Variants in NUBPL observed in about 807,000 individuals in gnomAD.
NUBPL encodes NUBP iron-sulfur cluster assembly factor, mitochondrial, also known as iron-sulfur cluster transfer protein NUBPL.
Under a neutral mutation model 45.7 loss-of-function variants are expected in NUBPL, and 31 were observed. That is an observed-to-expected ratio of 0.68 (90% CI 0.51 to 0.92). The LOEUF (loss-of-function observed/expected upper bound fraction) is 0.92. Ranked by LOEUF, NUBPL falls within the 40% of genes least tolerant of loss-of-function variation. The pLI is 0.00. For synonymous variants in NUBPL, 144 were observed against 140.9 expected (o/e 1.02, Z -0.15); for missense variants, 401 against 398.7 (o/e 1.01, Z -0.05).
intron 4 of NUBPL, among the ~76,000 whole-genome samples, chr14:31,622,804 A>G (rs954378964): frequency 6.6e-6 from 1 of 152,228 alleles, no homozygotes; most frequent in Non-Finnish European, 1.5e-5. Flanking sequence ...GCAGGGGCAG[A>G]GCCCCCATGG....
intron 6 of NUBPL, among the ~76,000 whole-genome samples, chr14:31,739,891 C>T (rs978796137): frequency 1.3e-5 from 2 of 152,154 alleles, no homozygotes; most frequent in Non-Finnish European, 2.9e-5. Context: ...TCCAGAAAGT[C>T]GTAGTTGGAT....
intron 6 of NUBPL, among the ~76,000 whole-genome samples, chr14:31,697,229 G>A (rs1172321130): frequency 6.6e-6 from 1 of 152,174 alleles, no homozygotes; most frequent in Non-Finnish European, 1.5e-5. Context: ...TTGTTTATAA[G>A]AGATAAAATG....
At chr14:31,851,816 T>A (rs2040542771) in intron 10 of NUBPL, among the ~76,000 whole-genome samples, 1 of 152,212 alleles carries the variant, frequency 6.6e-6, no homozygotes, top group Non-Finnish European at 1.5e-5. Context: ...TCACAGTGAT[T>A]CCTAGTGAAT....
At chr14:31,731,466 T>C (rs1343453642) in intron 6 of NUBPL, among the ~76,000 whole-genome samples, 1 of 152,258 alleles carries the variant, frequency 6.6e-6, no homozygotes, top group Non-Finnish European at 1.5e-5. Context: ...TTTTTACTTA[T>C]GTAGCATAGT....
intron 6 of NUBPL, among the ~76,000 whole-genome samples, chr14:31,722,292 A>G (rs1460957555): frequency 1.3e-5 from 2 of 152,056 alleles, no homozygotes; most frequent in East Asian, 1.9e-4. Flanking sequence ...TTACAGGCAT[A>G]AGCCACCACG....
At chr14:31,797,833 T>C (rs2039493409) in intron 7 of NUBPL, among the ~76,000 whole-genome samples, 1 of 135,632 alleles carries the variant, frequency 7.4e-6, no homozygotes, top group Non-Finnish European at 1.5e-5. Context: ...CTAGTCTCGA[T>C]GGTCTTTACA....
intron 6 of NUBPL, among the ~76,000 whole-genome samples, chr14:31,762,708 C>T (rs2038838465): frequency 6.6e-6 from 1 of 152,150 alleles, no homozygotes; most frequent in Non-Finnish European, 1.5e-5. Flanking sequence ...TGCTCCTGCA[C>T]ATTGGGACTT....
intron 7 of NUBPL, among the ~76,000 whole-genome samples, chr14:31,816,648 C>T (rs1477171628): frequency 1.3e-5 from 2 of 152,160 alleles, no homozygotes; most frequent in South Asian, 2.1e-4. Flanking sequence ...ATCTTTCCTG[C>T]TTTCTCCTGT....
chr14:31,594,961 C>T (rs1167963014), intron 3 of NUBPL, among the ~76,000 whole-genome samples: 3 of 152,006 alleles, frequency 2.0e-5, no homozygotes, highest in African/African-American at 2.4e-5. Flanking sequence ...TGGGTGGGAA[C>T]GTTCTAAGAT....
intron 8 of NUBPL, among the ~76,000 whole-genome samples, chr14:31,832,681 A>G (rs1165631093): frequency 6.6e-6 from 1 of 152,160 alleles, no homozygotes; most frequent in Non-Finnish European, 1.5e-5. Flanking sequence ...ATTGCTTTCC[A>G]AATTTTCTTA....
intron 6 of NUBPL, among the ~76,000 whole-genome samples, chr14:31,787,267 T>C (rs1399826024): frequency 1.3e-5 from 2 of 152,146 alleles, no homozygotes; most frequent in Admixed American, 1.3e-4. Context: ...TATAAATAAA[T>C]GCCTTGAAAG....
At chr14:31,593,662 G>A (rs569603062) in intron 3 of NUBPL, among the ~76,000 whole-genome samples, 4 of 152,166 alleles carry the variant, frequency 2.6e-5, no homozygotes, top group African/African-American at 9.6e-5. Context: ...AAAGCAGGGT[G>A]GGGAATAGGA....
At chr14:31,566,185 C>T (rs912337872) in intron 3 of NUBPL, among the ~76,000 whole-genome samples, 1 of 152,054 alleles carries the variant, frequency 6.6e-6, no homozygotes, top group Non-Finnish European at 1.5e-5. Context: ...TATGTGGTAT[C>T]TCTGTAAGTA....
At chr14:31,629,182 G>A (rs80001485) in intron 4 of NUBPL, among the ~76,000 whole-genome samples, 7,186 of 152,230 alleles carry the variant, frequency 0.047, 215 homozygotes, top group Admixed American at 0.066. Flanking sequence ...TTGTTTAATG[G>A]AAAGTTCTTT....
chr14:31,832,071 A>C (rs74632789), intron 8 of NUBPL, among the ~76,000 whole-genome samples: 1 of 152,190 alleles, frequency 6.6e-6, no homozygotes, highest in Non-Finnish European at 1.5e-5. Context: ...GTCTTATTTC[A>C]TAAAGATTTG....
intron 4 of NUBPL, among the ~76,000 whole-genome samples, chr14:31,639,045 C>T (rs887844732): frequency 8.5e-5 from 13 of 152,152 alleles, no homozygotes; most frequent in African/African-American, 3.1e-4. Flanking sequence ...CCTCCCATAG[C>T]TCGGAGTAGT....
intron 4 of NUBPL, among the ~76,000 whole-genome samples, chr14:31,664,235 T>A (rs192466740): frequency 9.8e-5 from 15 of 152,298 alleles, no homozygotes; most frequent in African/African-American, 3.4e-4. Context: ...TTTCTTTCTC[T>A]TGCTTGATTG....
intron 6 of NUBPL, among the ~76,000 whole-genome samples, chr14:31,732,693 C>T (rs1156560004): frequency 6.9e-6 from 1 of 145,622 alleles, no homozygotes; most frequent in Non-Finnish European, 1.5e-5. Flanking sequence ...CTCACTGCAA[C>T]CTCCATCTCC....
chr14:31,857,228 C>T (rs2040636783), intron 10 of NUBPL, among the ~76,000 whole-genome samples: 3 of 152,182 alleles, frequency 2.0e-5, no homozygotes, highest in African/African-American at 4.8e-5. Flanking sequence ...GGCCTGAGCT[C>T]TTCATTGGCC....
Sources: allele counts gnomAD v4.1 joint callset (sites outside exome capture counted in the v4.1 genomes callset), GRCh38; gene constraint gnomAD v4.1.1; transcripts MANE v1.5; gene names NCBI Gene and HGNC (gene_info 2026-07-23, HGNC 2026-07-21).